CELF4: variants seen among roughly 807,000 people sequenced by gnomAD.
The protein encoded by CELF4 is CUGBP Elav-like family member 4.
CELF4 carries 18 observed loss-of-function variants against 59.9 expected under a neutral mutation model. That is an observed-to-expected ratio of 0.30 (90% confidence interval 0.21 to 0.45). The LOEUF is 0.45. CELF4 is among the 20% of genes least tolerant of loss of function. The pLI is 1.00. For synonymous variants in CELF4, 261 were observed against 267.1 expected (o/e 0.98, Z 0.22); for missense variants, 456 against 689.0 (o/e 0.66, Z 3.79).
At chr18:37,404,340 AGAG>A (rs1339667646) in intron 2 of CELF4, among the ~76,000 whole-genome samples, 2 of 152,338 alleles carry the variant, frequency 1.3e-5, no homozygotes, top group East Asian at 3.9e-4. Flanking sequence ...ACCCCACAGA[AGAG>A]GAGGCCCCCC....
chr18:37,502,632 G>A (rs79862575), intron 1 of CELF4, among the ~76,000 whole-genome samples: 2,527 of 152,254 alleles, frequency 0.017, 67 homozygotes, highest in African/African-American at 0.058. Context: ...CCATTGGGGA[G>A]CAAAGGCAGC....
chr18:37,553,736 C>A (rs1222324571), intron 1 of CELF4, among the ~76,000 whole-genome samples: 1 of 152,170 alleles, frequency 6.6e-6, no homozygotes, highest in Non-Finnish European at 1.5e-5. Flanking sequence ...GTCCCCCACC[C>A]GCGCAGGGAG....
chr18:37,348,712 C>T (rs776834808), intron 2 of CELF4, among the ~76,000 whole-genome samples: 4 of 152,094 alleles, frequency 2.6e-5, no homozygotes, highest in Non-Finnish European at 4.4e-5. Context: ...CAAAACCCAT[C>T]GGGGGTCATT....
chr18:37,348,364 C>A (rs1010486090), intron 2 of CELF4, among the ~76,000 whole-genome samples: 6 of 152,116 alleles, frequency 3.9e-5, no homozygotes. Flanking sequence ...TTCTTTGGTC[C>A]CTTCCTTTTT....
chr18:37,388,267 G>C (rs1314930073), intron 2 of CELF4, among the ~76,000 whole-genome samples: 3 of 152,236 alleles, frequency 2.0e-5, no homozygotes, highest in East Asian at 1.9e-4. Context: ...GCACCATTGC[G>C]TGAAGAGATG....
chr18:37,438,486 T>C (rs535020439), intron 2 of CELF4, among the ~76,000 whole-genome samples: 94 of 152,220 alleles, frequency 6.2e-4, no homozygotes, highest in African/African-American at 2.2e-3. Context: ...CCAGGGTTGG[T>C]AGCAGGAGGG....
At chr18:37,269,912 C>T (rs1378350741) in intron 8 of CELF4, among the ~76,000 whole-genome samples, 1 of 152,186 alleles carries the variant, frequency 6.6e-6, no homozygotes, top group East Asian at 1.9e-4. Flanking sequence ...CCTTTCACAG[C>T]ACAAACTGAG....
chr18:37,534,310 G>A (rs1200495241), intron 1 of CELF4, among the ~76,000 whole-genome samples: 1 of 152,102 alleles, frequency 6.6e-6, no homozygotes, highest in Non-Finnish European at 1.5e-5. Context: ...GGGCAGGGCT[G>A]GCTTGGGCAG....
At chr18:37,490,308 A>C (rs1254777340) in intron 1 of CELF4, among the ~76,000 whole-genome samples, 1 of 152,082 alleles carries the variant, frequency 6.6e-6, no homozygotes, top group Non-Finnish European at 1.5e-5. Flanking sequence ...TATGACTTTC[A>C]CTTTTTTTGT....
intron 1 of CELF4, among the ~76,000 whole-genome samples, chr18:37,528,117 T>G (rs973752930): frequency 6.6e-6 from 1 of 152,156 alleles, no homozygotes; most frequent in Non-Finnish European, 1.5e-5. Context: ...AGCTAGCTAA[T>G]ATCAGGGGAA....
In CELF4 at chr18:37,382,576, C is replaced by T. The variant is rs192605245; in HGVS notation, c.370-60695G>A. On this transcript the variant is annotated intron_variant, in intron 2 of 12. Coordinates refer to ENST00000420428, the MANE Select transcript of CELF4 (RefSeq NM_020180.4). The stretch of plus-strand genomic sequence containing the variant: ...TTTCACCAGGCAAAGGTGGTGAATT[C>T]ACACATGGGTGCATGTGTACACACA... 4.0e-3 allele frequency among the ~76,000 whole-genome samples: 611 copies of T among 152,286 alleles called. 5 individuals carry two copies. The highest frequency in any genetic ancestry group is 0.014 in the African/African-American group (579 of 41,546).
At position 37,493,897 on chromosome 18, in the gene CELF4, A is replaced by G. The variant is rs186025498; in HGVS notation, c.287-8290T>C. The stretch of plus-strand genomic sequence containing the variant: ...GAGTGCGAATGAGTTTTGTTGAGTT[A>G]AACTCCTCTGTGTGGTATGGGAAAA... On this transcript the variant is annotated intron_variant, in intron 1 of 12. Coordinates refer to ENST00000420428, the MANE Select transcript of CELF4 (RefSeq NM_020180.4). 5.1e-3 allele frequency among the ~76,000 whole-genome samples: 776 copies of G among 152,310 alleles called. 4 individuals are homozygous for G. Among genetic ancestry groups the G allele is most frequent in the Non-Finnish European group, 9.0e-3 (615 of 68,032 alleles).
At chr18:37,422,174 G>A (rs965095677) in intron 2 of CELF4, among the ~76,000 whole-genome samples, 1 of 152,192 alleles carries the variant, frequency 6.6e-6, no homozygotes, top group Non-Finnish European at 1.5e-5. Context: ...GGGCCTGAGT[G>A]GGGCCTGTGT....
At chr18:37,445,976 G>T (rs1437798983) in intron 2 of CELF4, among the ~76,000 whole-genome samples, 1 of 152,146 alleles carries the variant, frequency 6.6e-6, no homozygotes, top group African/African-American at 2.4e-5. Flanking sequence ...ACCCTTCAAG[G>T]CAGGTATTAA....
In CELF4 at chr18:37,266,937, TG is replaced by T. The variant is rs11376925; in HGVS notation, c.1100-340del. ...AGCCTCAACACTGAGATGCTGGTGGTGGGGGGGGACACACAAGGGGCCCAGC... is the reference window on the plus strand; with the variant it reads ...AGCCTCAACACTGAGATGCTGGTGGTGGGGGGGACACACAAGGGGCCCAGC... On this transcript the variant is annotated intron_variant, in intron 8 of 12. Coordinates refer to ENST00000420428, the MANE Select transcript of CELF4 (RefSeq NM_020180.4). 7.4e-3 allele frequency among the ~76,000 whole-genome samples: 449 copies of T among 60,836 alleles called. 3 individuals are homozygous for T. Among genetic ancestry groups the T allele is most frequent in the African/African-American group, 0.022 (405 of 18,392 alleles). 39.9% of individuals were successfully genotyped at this position (60,836 alleles called of 152,430 possible). A position where few individuals can be genotyped will look rare whatever the true frequency, so the allele number is the denominator to read the frequency against.
rs139742646 is a variant in CELF4, at chr18:37,360,853, T to G, written c.370-38972A>C. ...CTCAGTTCTAATGCGTGGAGCTATG[T>G]GATTGCGACAAAATCCCTCACCCTT... On this transcript the variant is annotated intron_variant, in intron 2 of 12. Coordinates refer to ENST00000420428, the MANE Select transcript of CELF4 (RefSeq NM_020180.4). Among the ~76,000 whole-genome samples, 10 of 152,352 alleles carry G rather than the reference T, an allele frequency of 6.6e-5. No individual in the cohort carries two copies. The East Asian group carries it at 1.9e-3, about 29-fold the overall frequency.
chr18:37,316,828 C>T (rs1441787008), intron 3 of CELF4, among the ~76,000 whole-genome samples: 1 of 152,196 alleles, frequency 6.6e-6, no homozygotes, highest in Non-Finnish European at 1.5e-5. Flanking sequence ...ACTTCAGCCA[C>T]CTTGAGAATG....
At chr18:37,290,452 T>C (rs2154413197) in intron 3 of CELF4, among the ~76,000 whole-genome samples, 1 of 152,316 alleles carries the variant, frequency 6.6e-6, no homozygotes, top group Admixed American at 6.5e-5. Flanking sequence ...AAAACATCTG[T>C]CAAGGGGGGC....
intron 2 of CELF4, among the ~76,000 whole-genome samples, chr18:37,413,587 G>C (rs949579041): frequency 2.0e-4 from 30 of 152,116 alleles, no homozygotes; most frequent in African/African-American, 7.0e-4. Context: ...CTTTAGTCTG[G>C]TCTCCTAATC....
Sources: allele counts gnomAD v4.1 joint callset (sites outside exome capture counted in the v4.1 genomes callset), GRCh38; gene constraint gnomAD v4.1.1; transcripts MANE v1.5; gene names NCBI Gene and HGNC (gene_info 2026-07-23, HGNC 2026-07-21).